The following ACOT1 variants were observed in gnomAD, a reference collection of about 807,000 sequenced individuals.
ACOT1 encodes the protein acyl-CoA thioesterase 1.
In ACOT1, 8 loss-of-function variants were observed where a neutral mutation model predicts 15.7. That is an observed-to-expected ratio of 0.51 (90% CI 0.30 to 0.92). The LOEUF (loss-of-function observed/expected upper bound fraction) is 0.92, where lower values mean the gene tolerates loss of function less well. Ranked by LOEUF, ACOT1 falls within the 40% of genes least tolerant of loss-of-function variation. The pLI, the probability that ACOT1 is intolerant of heterozygous loss-of-function variation, is 0.06. For missense variants in ACOT1, 151 were observed against 539.4 expected (o/e 0.28, Z 7.13); for synonymous variants, 67 against 241.2 (o/e 0.28, Z 6.69).
chr14:73,505,915 G>C, the ACOT1 span, among the ~76,000 whole-genome samples: 1 of 133,474 alleles, frequency 7.5e-6, no homozygotes, highest in African/African-American at 2.7e-5. Context: ...TTTTGAGATG[G>C]AGTCTCCCTC....
the ACOT1 span, among the ~76,000 whole-genome samples, chr14:73,506,070 TA>T: frequency 4.0e-5 from 6 of 151,874 alleles, no homozygotes; most frequent in Non-Finnish European, 7.4e-5. Context: ...TTTGTATTTT[TA>T]GTAGAGATGG....
the ACOT1 span, among the ~76,000 whole-genome samples, chr14:73,503,758 A>G: frequency 6.6e-6 from 1 of 152,228 alleles, no homozygotes; most frequent in African/African-American, 2.4e-5. Context: ...AACATTTACT[A>G]ACGGAAGACT....
At chr14:73,492,631 G>A in the ACOT1 span, 29 of 1,613,848 alleles carry the variant, frequency 1.8e-5, no homozygotes, top group Non-Finnish European at 2.3e-5. This position sits in a 1 kb window ranked among gnomAD's most constrained non-coding sequence, Gnocchi z 4.9. Flanking sequence ...CTGTAAACGT[G>A]GGGGCCCAGT....
At chr14:73,530,355 C>A in the ACOT1 span, 5 of 136,630 alleles carry the variant, frequency 3.7e-5, 1 homozygote, top group African/African-American at 1.3e-4. Context: ...TTTTCACAAG[C>A]TCTCAGGTTT....
the ACOT1 span, chr14:73,500,401 C>T: frequency 2.7e-6 from 2 of 732,288 alleles, no homozygotes; most frequent in East Asian, 2.7e-5. Context: ...TGAAACAGTC[C>T]TGTTTGAAGT....
the ACOT1 span, among the ~76,000 whole-genome samples, chr14:73,516,390 C>T: frequency 6.6e-5 from 7 of 106,372 alleles, no homozygotes; most frequent in Admixed American, 1.0e-4. Flanking sequence ...TTCTCTCAGG[C>T]GATTTGAAAT....
At chr14:73,504,346 C>T in the ACOT1 span, among the ~76,000 whole-genome samples, 1 of 151,956 alleles carries the variant, frequency 6.6e-6, no homozygotes, top group African/African-American at 2.4e-5. Context: ...GGGATCACGC[C>T]ATTCTCCTGC....
the ACOT1 span, chr14:73,493,177 C>G: frequency 1.4e-6 from 2 of 1,475,512 alleles, no homozygotes; most frequent in African/African-American, 2.8e-5. Flanking sequence ...ACCCTTGATC[C>G]GTGATCATTT....
At chr14:73,493,354 G>C in the ACOT1 span, 1 of 483,500 alleles carries the variant, frequency 2.1e-6, no homozygotes, top group Non-Finnish European at 3.8e-6. Context: ...TGTTAAATTT[G>C]TATGAACCTT....
chr14:73,514,213 GCTC>G, the ACOT1 span: 1 of 1,614,136 alleles, frequency 6.2e-7, no homozygotes, highest in Non-Finnish European at 8.5e-7. Flanking sequence ...CCAGCGCAGG[GCTC>G]CTTGCACAGG....
the ACOT1 span, among the ~76,000 whole-genome samples, chr14:73,526,429 G>T: frequency 1.3e-5 from 2 of 152,158 alleles, no homozygotes; most frequent in African/African-American, 2.4e-5. Context: ...GTGGACTTTG[G>T]GTGTGTGTGA....
At chr14:73,498,224 A>C in the ACOT1 span, 1 of 1,614,040 alleles carries the variant, frequency 6.2e-7, no homozygotes, top group Non-Finnish European at 8.5e-7. Context: ...GTCCCCTTGA[A>C]GTTTCAGGGC....
chr14:73,512,789 C>T, the ACOT1 span, among the ~76,000 whole-genome samples: 2 of 152,168 alleles, frequency 1.3e-5, no homozygotes, highest in African/African-American at 4.8e-5. Flanking sequence ...TATTTCAAAG[C>T]TCCTATTATC....
At chr14:73,493,176 C>G in the ACOT1 span, 1 of 1,481,178 alleles carries the variant, frequency 6.8e-7, no homozygotes, top group South Asian at 1.1e-5. Context: ...AACCCTTGAT[C>G]CGTGATCATT....
chr14:73,511,612 C>T, the ACOT1 span, among the ~76,000 whole-genome samples: 2 of 150,454 alleles, frequency 1.3e-5, no homozygotes, highest in Admixed American at 6.6e-5. Context: ...CAGTGGCTCA[C>T]GCCTGTAATC....
chr14:73,540,739 A>ATTTT (rs1889049653), intron 1 of ACOT1, among the ~76,000 whole-genome samples: 1 of 103,812 alleles, frequency 9.6e-6, no homozygotes, highest in Non-Finnish European at 1.9e-5. Flanking sequence ...AGGTGTTTGC[A>ATTTT]TTCTTTTTTT....
At chr14:73,506,466 C>T in the ACOT1 span, 7 of 1,611,908 alleles carry the variant, frequency 4.3e-6, no homozygotes, top group Admixed American at 1.7e-5. Flanking sequence ...AAGAGGTTTA[C>T]CAAGCAGACA....
chr14:73,506,759 ATAACT>A, the ACOT1 span, among the ~76,000 whole-genome samples: 1 of 149,732 alleles, frequency 6.7e-6, no homozygotes, highest in African/African-American at 2.4e-5. Context: ...TACAAATTTA[ATAACT>A]TAAACAGAAA....
chr14:73,491,023 T>C, the ACOT1 span: 2 of 1,506,288 alleles, frequency 1.3e-6, no homozygotes, highest in African/African-American at 1.4e-5. Context: ...TGGCCATGGA[T>C]GGGCTCCAGG....
Sources: allele counts gnomAD v4.1 joint callset (sites outside exome capture counted in the v4.1 genomes callset), GRCh38; gene constraint gnomAD v4.1.1; non-coding constraint Gnocchi (gnomAD v3.1); transcripts MANE v1.5; gene names NCBI Gene and HGNC (gene_info 2026-07-23, HGNC 2026-07-21).